The following PIK3AP1 variants were observed in gnomAD, a reference collection of about 807,000 sequenced individuals.
PIK3AP1 encodes the protein phosphoinositide-3-kinase adaptor protein 1, also known as phosphoinositide 3-kinase adapter protein 1.
Under a neutral mutation model 88.1 loss-of-function variants are expected in PIK3AP1, and 21 were observed. That is an observed-to-expected ratio of 0.24 (90% CI 0.17 to 0.34). The LOEUF (loss-of-function observed/expected upper bound fraction) is 0.34, where lower values mean the gene tolerates loss of function less well. Ranked by LOEUF, PIK3AP1 falls within the 10% of genes least tolerant of loss-of-function variation. PIK3AP1 has a pLI of 1.00. For synonymous variants in PIK3AP1, 398 were observed against 400.0 expected (o/e 1.00, Z 0.06); for missense variants, 828 against 1,035.7 (o/e 0.80, Z 2.75).
At chr10:96,702,866 T>A (rs1844317633) in intron 2 of PIK3AP1, among the ~76,000 whole-genome samples, 1 of 152,202 alleles carries the variant, frequency 6.6e-6, no homozygotes, top group Admixed American at 6.5e-5. Flanking sequence ...AAAGCATTTT[T>A]AAATATTCCT....
chr10:96,654,959 G>A (rs1029999551), intron 3 of PIK3AP1, among the ~76,000 whole-genome samples: 1 of 152,236 alleles, frequency 6.6e-6, no homozygotes, highest in African/African-American at 2.4e-5. Context: ...CCCATGTACA[G>A]GGTTGCTTGG....
chr10:96,658,585 T>C (rs1175050122), intron 2 of PIK3AP1, among the ~76,000 whole-genome samples: 7 of 152,170 alleles, frequency 4.6e-5, no homozygotes, highest in Non-Finnish European at 1.5e-5. Context: ...TCCCTAGCCA[T>C]GCAGCTTAAA....
At chr10:96,622,230 C>T (rs1843093949) in intron 11 of PIK3AP1, among the ~76,000 whole-genome samples, 1 of 152,252 alleles carries the variant, frequency 6.6e-6, no homozygotes, top group Non-Finnish European at 1.5e-5. Flanking sequence ...CTGTGCCAAC[C>T]TCTCTTCTAC....
intron 15 of PIK3AP1, among the ~76,000 whole-genome samples, chr10:96,602,672 C>T (rs114891077): frequency 6.6e-6 from 1 of 152,292 alleles, no homozygotes; most frequent in African/African-American, 2.4e-5. Flanking sequence ...TCAGCATCAG[C>T]ATCAGGTGGA....
At chr10:96,629,930 A>G (rs202087707) in intron 8 of PIK3AP1, among the ~76,000 whole-genome samples, 341 of 13,726 alleles carry the variant, frequency 0.025, 19 homozygotes, top group East Asian at 0.14. Flanking sequence ...AAAAAAAAAA[A>G]AAGAAGAAGA....
chr10:96,711,816 T>C (rs1234646247), intron 1 of PIK3AP1, among the ~76,000 whole-genome samples: 5 of 135,122 alleles, frequency 3.7e-5, no homozygotes, highest in Non-Finnish European at 7.7e-5. Flanking sequence ...AGTGGCACGA[T>C]CTCGGTTCAC....
At position 96,594,245 on chromosome 10, in the gene PIK3AP1, G is replaced by A. The variant is rs1848720196; in HGVS notation, c.*1332C>T. ...TACAGTCGTACTTTGGTATCCATGG[G>A]GGATTGGTTCCAGGATCCCCCAGTA... On this transcript the variant is annotated 3_prime_UTR_variant, in exon 17 of 17. Transcript: ENST00000339364. The surrounding 1 kb of genome is among the most constrained non-coding windows in gnomAD (Gnocchi z 4.6). 1 of 152,098 alleles carries A rather than the reference G, an allele frequency of 6.6e-6. No homozygotes were observed. The highest frequency in any genetic ancestry group is 2.4e-5 in the African/African-American group (1 of 41,414). The allele number at this position is 152,098 out of a possible 1,614,324, so 9.4% of individuals were successfully genotyped here.
At position 96,593,657 on chromosome 10, in the gene PIK3AP1, C is replaced by G. The variant is rs998007590; in HGVS notation, c.*1920G>C. ...CTTCTTATCTCACGTGCCCCTATTT[C>G]TCCCAAATAAGTGACAAGGAGAGTA... On this transcript the variant is annotated 3_prime_UTR_variant, in exon 17 of 17. Coordinates refer to ENST00000339364, the MANE Select transcript of PIK3AP1 (RefSeq NM_152309.3). The G allele has an allele frequency of 6.6e-6, 1 of 152,154 alleles. No individual in the cohort carries two copies. Among genetic ancestry groups the G allele is most frequent in the Admixed American group, 6.5e-5 (1 of 15,278 alleles). The allele number at this position is 152,154 out of a possible 1,614,324, so 9.4% of individuals were successfully genotyped here. A position where few individuals can be genotyped will look rare whatever the true frequency, so the allele number is the denominator to read the frequency against.
At chr10:96,717,089 C>T (rs753229201) in intron 1 of PIK3AP1, among the ~76,000 whole-genome samples, 12 of 152,088 alleles carry the variant, frequency 7.9e-5, no homozygotes, top group South Asian at 6.2e-4. Context: ...GAAACCCTGT[C>T]TCTACTAAAA....
chr10:96,694,977 T>C (rs962399676), intron 2 of PIK3AP1, among the ~76,000 whole-genome samples: 1 of 152,204 alleles, frequency 6.6e-6, no homozygotes, highest in African/African-American at 2.4e-5. Flanking sequence ...GGCAAAACAC[T>C]GTTTTAAAGG....
intron 16 of PIK3AP1, among the ~76,000 whole-genome samples, chr10:96,601,302 T>C (rs766976118): frequency 2.6e-5 from 4 of 151,654 alleles, no homozygotes; most frequent in Non-Finnish European, 4.4e-5. Context: ...GGCGAAACCC[T>C]GTCTCTACTA....
Position 96,604,052 on chromosome 10 carries a change from A to G in PIK3AP1, c.2171-3T>C, listed in dbSNP as rs1351570533. On this transcript the variant is annotated splice_polypyrimidine_tract_variant and splice_region_variant and intron_variant, in intron 14 of 16. Coordinates refer to ENST00000339364, the MANE Select transcript of PIK3AP1 (RefSeq NM_152309.3). Reference sequence around the variant, plus strand: ...GCTGGAGCGGTTACTTGTGCTACCTAAAGGGTAGAAAGAAAATCAGCCGGA... The same window carrying G: ...GCTGGAGCGGTTACTTGTGCTACCTGAAGGGTAGAAAGAAAATCAGCCGGA... 1 of 1,583,368 alleles carries G rather than the reference A, an allele frequency of 6.3e-7. No homozygotes were observed. The highest frequency in any genetic ancestry group is 1.3e-5 in the African/African-American group (1 of 74,260).
chr10:96,680,041 T>C (rs2134262383), intron 2 of PIK3AP1, among the ~76,000 whole-genome samples: 1 of 152,186 alleles, frequency 6.6e-6, no homozygotes, highest in African/African-American at 2.4e-5. Flanking sequence ...AACCTCCACC[T>C]CAAATAGAGA....
At chr10:96,669,306 A>G (rs1436698381) in intron 2 of PIK3AP1, among the ~76,000 whole-genome samples, 1 of 152,180 alleles carries the variant, frequency 6.6e-6, no homozygotes, top group African/African-American at 2.4e-5. Flanking sequence ...TATTTTTCAA[A>G]GCCCCGAATA....
intron 14 of PIK3AP1, among the ~76,000 whole-genome samples, chr10:96,608,604 G>C (rs1487442086): frequency 6.6e-6 from 1 of 152,208 alleles, no homozygotes; most frequent in Non-Finnish European, 1.5e-5. Flanking sequence ...CATCTATAAA[G>C]GATGAAGGAA....
In PIK3AP1 at chr10:96,609,855, G is replaced by C; in HGVS notation, c.2027C>G (p.Thr676Arg). Residue 676 changes from threonine (T) to arginine (R), a missense_variant, in exon 14 of 17, where the codon ACG becomes AGG. Physicochemically the swap from Thr to Arg is moderately conservative, Grantham distance 71. Coordinates refer to ENST00000339364, the MANE Select transcript of PIK3AP1 (RefSeq NM_152309.3). ...KSGKQTDLEI[T>R]VPIRHSQHLP... Reference sequence around the variant, plus strand: ...GTGCTGTGAGTGCCGAATTGGGACCGTGATCTCCAAGTCTGGAATTGGAGG... The same window carrying C: ...GTGCTGTGAGTGCCGAATTGGGACCCTGATCTCCAAGTCTGGAATTGGAGG... 1 of 1,613,990 alleles carries C rather than the reference G, an allele frequency of 6.2e-7. No individual in the cohort carries two copies. The highest frequency in any genetic ancestry group is 8.5e-7 in the Non-Finnish European group (1 of 1,179,894).
chr10:96,696,009 A>G (rs1445235763), intron 2 of PIK3AP1, among the ~76,000 whole-genome samples: 1 of 152,206 alleles, frequency 6.6e-6, no homozygotes, highest in East Asian at 1.9e-4. Context: ...CTCCATGGAA[A>G]TGGTTGACAA....
At chr10:96,697,208 A>AATACCC (rs1844232609) in intron 2 of PIK3AP1, among the ~76,000 whole-genome samples, 1 of 152,222 alleles carries the variant, frequency 6.6e-6, no homozygotes, top group African/African-American at 2.4e-5. Context: ...CGTTATAGGT[A>AATACCC]TTAGCCCACC....
chr10:96,715,640 T>C (rs1471098573), intron 1 of PIK3AP1, among the ~76,000 whole-genome samples: 1 of 152,122 alleles, frequency 6.6e-6, no homozygotes, highest in African/African-American at 2.4e-5. Context: ...CCTGTAATCC[T>C]AGCACTCTGG....
Sources: gnomAD v4.1 joint callset for allele counts (sites outside exome capture counted in the v4.1 genomes callset) on GRCh38, gnomAD v4.1.1 for gene constraint, Gnocchi (gnomAD v3.1) non-coding constraint, MANE v1.5 for transcripts, NCBI Gene and HGNC (gene_info 2026-07-23, HGNC 2026-07-21) for gene names.